The following DST variants were observed in gnomAD, a reference collection of about 807,000 sequenced individuals.
DST encodes the protein dystonin, also known as bullous pemphigoid antigen.
DST carries 253 observed loss-of-function variants against 875.2 expected under a neutral mutation model. The ratio of observed to expected loss-of-function variants is 0.29; its 90% CI spans 0.26 to 0.32. The LOEUF is 0.32. Ranked by LOEUF, DST falls within the 10% of genes least tolerant of loss-of-function variation. The pLI is 1.00. For missense variants in DST, 8,287 were observed against 9,111.6 expected, an observed-to-expected ratio of 0.91 and a Z score of 3.68; for synonymous variants, 3,124 against 3,197.1, an observed-to-expected ratio of 0.98 and a Z score of 0.77.
intron 87 of DST, among the ~76,000 whole-genome samples, 189 bp from the exon 88 acceptor site, chr6:56,485,660 TA>T (rs2095535668): frequency 6.6e-6 from 1 of 152,240 alleles, no homozygotes; most frequent in Non-Finnish European, 1.5e-5. Flanking sequence ...TCTTATTCCT[TA>T]AATACATGGC....
In DST at chr6:56,486,218, C is replaced by A. The variant is rs556490141; in HGVS notation, c.21048-747G>T. ...CTCTACTAAAAATACAAAAAATTAG[C>A]CGGGCGTAGTGGCGGACGCCTGTGG... On this transcript the variant is annotated intron_variant, in intron 87 of 103. Transcript: ENST00000680361. 1.1e-4 allele frequency among the ~76,000 whole-genome samples: 17 copies of A among 151,944 alleles called. No homozygotes were observed. In the South Asian group the frequency reaches 3.5e-3, roughly 32 times the overall value.
chr6:56,787,377 G>A (rs1234588162), intron 4 of DST, among the ~76,000 whole-genome samples: 6 of 152,306 alleles, frequency 3.9e-5, no homozygotes, highest in Admixed American at 2.6e-4. Context: ...AGCCAGGGCC[G>A]CTCAAACAGC....
chr6:56,616,497 C>T, intron 36 of DST: 1 of 1,614,110 alleles, frequency 6.2e-7, no homozygotes, highest in Non-Finnish European at 8.5e-7. Context: ...TTCCTCTCCC[C>T]AAATGGAAAC....
chr6:56,843,410 G>A, intron 4 of DST: 3 of 1,098,352 alleles, frequency 2.7e-6, no homozygotes, highest in Non-Finnish European at 3.3e-6. Context: ...TCGGGTTTCA[G>A]CAGCGGCAAA....
At position 56,725,397 on chromosome 6, in the gene DST, A is replaced by G. The variant is rs115720474; in HGVS notation, c.687+9831T>C. On this transcript the variant is annotated intron_variant, in intron 5 of 103. Transcript: ENST00000680361. ...CCCAGCGGGATGGCTAATGTGCTCT[A>G]TCATTCACAGACTACAGTGAATGAG... Among the ~76,000 whole-genome samples the G allele has an allele frequency of 3.7e-3, 564 of 152,264 alleles. 3 individuals carry two copies. Among genetic ancestry groups the G allele is most frequent in the African/African-American group, 0.013 (546 of 41,550 alleles).
At chr6:56,771,752 T>C (rs2099666568) in intron 4 of DST, among the ~76,000 whole-genome samples, 1 of 152,212 alleles carries the variant, frequency 6.6e-6, no homozygotes, top group African/African-American at 2.4e-5. Context: ...TTTTGGCTCA[T>C]AGCTCTCTGC....
chr6:56,564,055 A>T (rs1365793357), intron 55 of DST, among the ~76,000 whole-genome samples: 1 of 152,056 alleles, frequency 6.6e-6, no homozygotes, highest in Non-Finnish European at 1.5e-5. Context: ...TCTCGGCTAT[A>T]CGGGCTCTTT....
intron 5 of DST, among the ~76,000 whole-genome samples, chr6:56,727,631 TGAA>T (rs1033500035): frequency 2.0e-5 from 3 of 152,226 alleles, no homozygotes; most frequent in African/African-American, 7.2e-5. Context: ...GTGTGTTGAT[TGAA>T]GAAGAATGCA....
intron 4 of DST, among the ~76,000 whole-genome samples, chr6:56,779,365 C>T (rs1440504647): frequency 6.6e-6 from 1 of 152,030 alleles, no homozygotes; most frequent in Non-Finnish European, 1.5e-5. Flanking sequence ...GTTTCTTTTG[C>T]TGTGCAGAAG....
chr6:56,631,213 AT>A lies in DST; in HGVS notation c.4139del (p.Asp1380ValfsTer3), dbSNP rs1270417432. On this transcript the variant is annotated frameshift_variant, in exon 30 of 104. Transcript: ENST00000680361. LOFTEE classifies it high-confidence loss of function. ...QVYSMSSTYI[D>X]KLKTVNLVLK... ...ATATTGAGATAGCAGTTACATACTT[AT>A]CTATGTAAGTGGAAGACATAGAATA... 1 of 1,600,016 alleles carries A rather than the reference AT, an allele frequency of 6.2e-7. No homozygotes were observed. Among genetic ancestry groups the A allele is most frequent in the Non-Finnish European group, 8.6e-7 (1 of 1,168,272 alleles).
At position 56,642,936 on chromosome 6, in the gene DST, T is replaced by A; in HGVS notation, c.1779-433A>T. Reference sequence around the variant, plus strand: ...CTCCTTAAATATGCTTCAACATGCATATGCAACACACAGCAAATAATATGC... The same window carrying A: ...CTCCTTAAATATGCTTCAACATGCAAATGCAACACACAGCAAATAATATGC... On this transcript the variant is annotated intron_variant, in intron 15 of 103. Coordinates refer to ENST00000680361, the MANE Select transcript of DST (RefSeq NM_001374736.1). 10 of 1,487,772 alleles carry A rather than the reference T, an allele frequency of 6.7e-6. No individual in the cohort carries two copies. In the South Asian group the frequency reaches 1.1e-4, roughly 16 times the overall value. 92.2% of individuals were successfully genotyped at this position (1,487,772 alleles called of 1,614,324 possible).
intron 4 of DST, chr6:56,742,300 G>C (rs545837021): frequency 1.6e-6 from 2 of 1,289,728 alleles, no homozygotes; most frequent in South Asian, 2.5e-5. Context: ...CACCAGCTTT[G>C]CGTTCCAATC....
chr6:56,799,269 T>C (rs1389772380), intron 4 of DST, among the ~76,000 whole-genome samples: 1 of 152,068 alleles, frequency 6.6e-6, no homozygotes, highest in East Asian at 1.9e-4. Flanking sequence ...GCAGAAGGAC[T>C]GCTTGAGTCC....
chr6:56,599,041 G>T (rs538064791), intron 45 of DST, among the ~76,000 whole-genome samples: 1 of 152,160 alleles, frequency 6.6e-6, no homozygotes, highest in South Asian at 2.1e-4. Context: ...ACAAAGGCTT[G>T]TAAATATATG....
intron 102 of DST, among the ~76,000 whole-genome samples, chr6:56,462,679 T>C (rs1461742894): frequency 6.6e-6 from 1 of 152,152 alleles, no homozygotes; most frequent in South Asian, 2.1e-4. Context: ...TTCTTGCCCA[T>C]ATTATATCTA....
intron 4 of DST, among the ~76,000 whole-genome samples, chr6:56,797,736 T>C (rs1243691044): frequency 6.6e-6 from 1 of 151,330 alleles, no homozygotes; most frequent in Admixed American, 6.6e-5. Flanking sequence ...GGAGAATCAC[T>C]TGAACCCGGG....
intron 5 of DST, among the ~76,000 whole-genome samples, chr6:56,717,333 C>T (rs1216584573): frequency 1.3e-5 from 2 of 152,114 alleles, no homozygotes; most frequent in Non-Finnish European, 2.9e-5. Flanking sequence ...GGTGATAATG[C>T]TTGTTCACTG....
chr6:56,592,400 C>T (rs1255433450), intron 48 of DST, 42 bp from the exon 49 acceptor site: 28 of 1,466,214 alleles, frequency 1.9e-5, no homozygotes, highest in Non-Finnish European at 2.6e-5. Flanking sequence ...TTAAAACCCA[C>T]TATTTTCATA....
At position 56,873,456 on chromosome 6, in the gene DST, C is replaced by T. The variant is rs897208608; in HGVS notation, c.418-21852G>A. The stretch of plus-strand genomic sequence containing the variant: ...TTCAATAGCAAGATATGAAATCAAC[C>T]TAAGTGTCCATCAATGGATGAAATT... On this transcript the variant is annotated intron_variant, in intron 3 of 103. Coordinates refer to ENST00000680361, the MANE Select transcript of DST (RefSeq NM_001374736.1). Among the ~76,000 whole-genome samples, 7 of 151,884 alleles carry T rather than the reference C, an allele frequency of 4.6e-5. No homozygotes were observed. The South Asian group carries it at 1.0e-3, about 23-fold the overall frequency.
Sources: gnomAD v4.1 joint callset for allele counts (sites outside exome capture counted in the v4.1 genomes callset) on GRCh38, gnomAD v4.1.1 for gene constraint, MANE v1.5 for transcripts, NCBI Gene and HGNC (gene_info 2026-07-23, HGNC 2026-07-21) for gene names.